The following P3H2 variants were observed in gnomAD, a reference collection of about 807,000 sequenced individuals.
The protein encoded by P3H2 is leprecan-like 1.
Under a neutral mutation model 87.0 loss-of-function variants are expected in P3H2, and 80 were observed. The observed-to-expected ratio is 0.92, with a 90% CI of 0.77 to 1.11. P3H2 has a LOEUF of 1.11. Among genes scored for constraint, P3H2 ranks in the 50% least tolerant of loss-of-function variants. P3H2 has a pLI of 0.00. For missense variants in P3H2, 1,001 were observed against 923.9 expected (o/e 1.08, Z -1.08); for synonymous variants, 367 against 359.3 (o/e 1.02, Z -0.24).
At chr3:190,080,011 A>G (rs1474748357) in intron 1 of P3H2, among the ~76,000 whole-genome samples, 1 of 152,242 alleles carries the variant, frequency 6.6e-6, no homozygotes, top group Non-Finnish European at 1.5e-5. Context: ...ATTATAATAG[A>G]GTAGGAAAAG....
intron 14 of P3H2, among the ~76,000 whole-genome samples, chr3:189,959,209 GT>G (rs1722731078): frequency 7.3e-6 from 1 of 137,070 alleles, no homozygotes; most frequent in Non-Finnish European, 1.6e-5. Context: ...CTTATAAGAA[GT>G]TGCTTTACAC....
intron 1 of P3H2, among the ~76,000 whole-genome samples, chr3:190,088,081 T>C (rs1322576228): frequency 6.6e-6 from 1 of 152,132 alleles, no homozygotes; most frequent in African/African-American, 2.4e-5. Context: ...AGACCAAACA[T>C]AAAATTTCAT....
chr3:190,016,054 G>A (rs1426921480), intron 1 of P3H2, among the ~76,000 whole-genome samples: 1 of 152,142 alleles, frequency 6.6e-6, no homozygotes, highest in Non-Finnish European at 1.5e-5. Flanking sequence ...TTGCTCTTTA[G>A]CTTGCTGTTT....
intron 1 of P3H2, among the ~76,000 whole-genome samples, chr3:190,045,813 C>T (rs902520239): frequency 4.6e-5 from 7 of 152,028 alleles, no homozygotes; most frequent in Admixed American, 3.9e-4. Context: ...ACAGAAGCCT[C>T]AGCTCATGGT....
At chr3:190,014,767 G>T (rs1355199475) in intron 1 of P3H2, among the ~76,000 whole-genome samples, 1 of 151,982 alleles carries the variant, frequency 6.6e-6, no homozygotes. Flanking sequence ...TTATCATTCT[G>T]CTCTGTATGA....
intron 11 of P3H2, among the ~76,000 whole-genome samples, chr3:189,972,517 T>A (rs1274760818): frequency 6.6e-6 from 1 of 152,186 alleles, no homozygotes; most frequent in Non-Finnish European, 1.5e-5. Flanking sequence ...CATCCCTTCA[T>A]CTTCTATGCT....
At chr3:190,112,406 GGTAA>G (rs1712104869) in intron 1 of P3H2, among the ~76,000 whole-genome samples, 1 of 152,148 alleles carries the variant, frequency 6.6e-6, no homozygotes, top group Admixed American at 6.5e-5. Context: ...CACACATGAG[GGTAA>G]GTGACATAAA....
intron 13 of P3H2, among the ~76,000 whole-genome samples, chr3:189,967,183 C>T (rs552106284): frequency 2.4e-4 from 36 of 151,858 alleles, no homozygotes; most frequent in African/African-American, 8.7e-4. Context: ...CCACTGTATG[C>T]ATTAATATGA....
At chr3:190,095,005 T>C (rs546497153) in intron 1 of P3H2, among the ~76,000 whole-genome samples, 3 of 152,216 alleles carry the variant, frequency 2.0e-5, no homozygotes, top group East Asian at 1.9e-4. Flanking sequence ...AGTAAAAGAA[T>C]AGAGCCAGTA....
chr3:189,992,706 G>C (rs1723914271), intron 3 of P3H2, among the ~76,000 whole-genome samples: 1 of 152,086 alleles, frequency 6.6e-6, no homozygotes, highest in South Asian at 2.1e-4. Flanking sequence ...AAAGGGAGAG[G>C]AGAGTAAGTA....
At chr3:189,986,611 A>G (rs1723708125) in intron 6 of P3H2, among the ~76,000 whole-genome samples, 177 bp downstream of exon 6, 1 of 152,148 alleles carries the variant, frequency 6.6e-6, no homozygotes, top group Non-Finnish European at 1.5e-5. Context: ...ATAAATAAAT[A>G]GATAAAGTTC....
intron 1 of P3H2, among the ~76,000 whole-genome samples, chr3:190,087,867 C>A (rs952207601): frequency 2.0e-5 from 3 of 152,134 alleles, no homozygotes; most frequent in Admixed American, 1.3e-4. Flanking sequence ...TCTGTGTTTT[C>A]ACAGCTAAAT....
intron 1 of P3H2, among the ~76,000 whole-genome samples, chr3:190,095,669 C>T (rs1308818008): frequency 6.7e-6 from 1 of 149,632 alleles, no homozygotes; most frequent in East Asian, 2.0e-4. Context: ...GGCGTGATCT[C>T]GGCTCACTGC....
chr3:190,120,096 T>G lies in P3H2; in HGVS notation c.480+156A>C, dbSNP rs150011190. On this transcript the variant is annotated intron_variant, in intron 1 of 14. Coordinates refer to ENST00000319332, the MANE Select transcript of P3H2 (RefSeq NM_018192.4). ...GTTAATCAATTGTTGCATACAGAGATAGGGCCACCAGATATCTGGATTCAC... is the reference window on the plus strand; with the variant it reads ...GTTAATCAATTGTTGCATACAGAGAGAGGGCCACCAGATATCTGGATTCAC... Among the ~76,000 whole-genome samples, 738 of 152,266 alleles carry G rather than the reference T, an allele frequency of 4.8e-3. 6 individuals are homozygous for G. The highest frequency in any genetic ancestry group is 0.017 in the African/African-American group (714 of 41,550).
At position 190,120,326 on chromosome 3, in the gene P3H2, G is replaced by C; in HGVS notation, c.406C>G (p.Arg136Gly). The C allele has an allele frequency of 1.2e-6, 2 of 1,602,356 alleles. No individual in the cohort carries two copies. Among genetic ancestry groups the C allele is most frequent in the Non-Finnish European group, 1.7e-6 (2 of 1,176,270 alleles). Residue 136 changes from arginine to glycine, a missense_variant, in exon 1 of 15, where the codon CGC becomes GGC. Physicochemically the swap from Arg to Gly is moderately radical, Grantham distance 125 (BLOSUM62 -2). Coordinates refer to ENST00000319332, the MANE Select transcript of P3H2 (RefSeq NM_018192.4). Reference protein sequence around the residue: ...QRLGGPASRHRVSEDVRSDFQ... With the variant: ...QRLGGPASRHGVSEDVRSDFQ... ...TCGCTGCGCACATCCTCGCTGACGC[G>C]GTGGCGGGATGCGGGGCCCCCGAGG...
intron 1 of P3H2, among the ~76,000 whole-genome samples, chr3:190,102,893 C>G (rs990326557): frequency 5.3e-5 from 8 of 152,190 alleles, no homozygotes; most frequent in African/African-American, 1.9e-4. Flanking sequence ...CTCCAATTTA[C>G]AGTAACCACC....
chr3:190,062,800 T>A (rs994147773), intron 1 of P3H2, among the ~76,000 whole-genome samples: 2 of 152,050 alleles, frequency 1.3e-5, no homozygotes, highest in Admixed American at 1.3e-4. Context: ...ACTGATTCAA[T>A]CTTACATTTA....
chr3:189,960,051 G>T (rs1022775141), intron 14 of P3H2, among the ~76,000 whole-genome samples: 1 of 152,242 alleles, frequency 6.6e-6, no homozygotes, highest in African/African-American at 2.4e-5. Context: ...TATTCCAGAT[G>T]CTCTGGCTTT....
intron 13 of P3H2, among the ~76,000 whole-genome samples, chr3:189,966,025 AAGAG>A (rs1041476670): frequency 7.4e-5 from 11 of 148,726 alleles, no homozygotes; most frequent in African/African-American, 1.5e-4. Context: ...AAGAAAGAAA[AAGAG>A]AGAGAGAAAG....
Sources: allele counts gnomAD v4.1 joint callset (sites outside exome capture counted in the v4.1 genomes callset), GRCh38; gene constraint gnomAD v4.1.1; transcripts MANE v1.5; gene names NCBI Gene and HGNC (gene_info 2026-07-23, HGNC 2026-07-21).